Variants in DENND1B observed in about 807,000 individuals in gnomAD.
DENND1B encodes DENN domain-containing protein 1B.
DENND1B carries 59 observed loss-of-function variants against 90.1 expected under a neutral mutation model. The observed-to-expected ratio is 0.65, with a 90% CI of 0.53 to 0.81. The LOEUF is 0.81. Among genes scored for constraint, DENND1B ranks in the 40% least tolerant of loss-of-function variants. The pLI is 0.00. For synonymous variants in DENND1B, 337 were observed against 324.6 expected (o/e 1.04, Z -0.41); for missense variants, 862 against 912.6 (o/e 0.94, Z 0.71).
intron 5 of DENND1B, among the ~76,000 whole-genome samples, chr1:197,660,949 G>A (rs1654347046): frequency 6.6e-6 from 1 of 152,036 alleles, no homozygotes; most frequent in Admixed American, 6.6e-5. Flanking sequence ...TTGTGCAAAG[G>A]CCTCGAGAGC....
At position 197,545,929 on chromosome 1, in the gene DENND1B, T is replaced by C. The variant is rs763915431; in HGVS notation, c.1343A>G (p.Tyr448Cys). 2.2e-5 allele frequency: 35 copies of C among 1,600,312 alleles called. No individual in the cohort carries two copies. Among genetic ancestry groups the C allele is most frequent in the Non-Finnish European group, 2.9e-5 (34 of 1,176,210 alleles). Residue 448 changes from tyrosine (Y) to cysteine (C), a missense_variant, in exon 18 of 23, where the codon TAT becomes TGT. Transcript: ENST00000620048. ...TKATPAVRTA[Y>C]KFAKNHAKLG... The stretch of plus-strand genomic sequence containing the variant: ...AATATCAAAAAAACTTACAAATTTA[T>C]ATGCTGTCCGTACAGCAGGGGTTGC...
At position 197,531,395 on chromosome 1, in the gene DENND1B, T is replaced by C. The variant is rs1343855697; in HGVS notation, c.1515+8569A>G. Among the ~76,000 whole-genome samples, 4 of 1,004 alleles carry C rather than the reference T, an allele frequency of 4.0e-3. 2 individuals are homozygous for C. The Non-Finnish European group carries it at 1, about 251-fold the overall frequency. 0.7% of individuals were successfully genotyped at this position (1,004 alleles called of 152,430 possible). On this transcript the variant is annotated intron_variant, in intron 20 of 22. Coordinates refer to ENST00000620048, the MANE Select transcript of DENND1B (RefSeq NM_001195215.2). Reference sequence around the variant, plus strand: ...TCACCACATAACAAATCTTTTTTTTTTTTTTTTTTCTTTTTTTTTTTTTTT... The same window carrying C: ...TCACCACATAACAAATCTTTTTTTTCTTTTTTTTTCTTTTTTTTTTTTTTT...
At chr1:197,578,369 A>T (rs11804076) in intron 15 of DENND1B, among the ~76,000 whole-genome samples, 6,090 of 151,926 alleles carry the variant, frequency 0.04, 371 homozygotes, top group African/African-American at 0.13. Context: ...TTCAGCCTCC[A>T]GTGTAGCTGG....
rs1268079465 is a variant in DENND1B, at chr1:197,715,014, A to T, written c.126+17T>A. The T allele has an allele frequency of 6.2e-7, 1 of 1,601,924 alleles. No individual in the cohort carries two copies. On this transcript the variant is annotated intron_variant, in intron 3 of 22. Coordinates refer to ENST00000620048, the MANE Select transcript of DENND1B (RefSeq NM_001195215.2). ...TACTTCAACTTTAAATTTTTTAAAA[A>T]ATTATGTGGTACCAACCTGGTCTCC... is the stretch of plus-strand genomic sequence containing the variant.
chr1:197,652,042 G>A (rs1653269481), intron 7 of DENND1B, among the ~76,000 whole-genome samples, 193 bp downstream of exon 7: 1 of 152,030 alleles, frequency 6.6e-6, no homozygotes, highest in South Asian at 2.1e-4. Flanking sequence ...CAACACACCT[G>A]ATATATGAAG....
intron 2 of DENND1B, among the ~76,000 whole-genome samples, chr1:197,731,261 T>C (rs1032866118): frequency 1.3e-5 from 2 of 152,078 alleles, no homozygotes. Flanking sequence ...AAAATAATTA[T>C]TGGCTGAGAA....
rs531768558 is a variant in DENND1B, at chr1:197,746,036, A to G, written c.82+26832T>C. 7.9e-5 allele frequency among the ~76,000 whole-genome samples: 12 copies of G among 152,352 alleles called. No individual in the cohort carries two copies. The South Asian group carries it at 2.3e-3, about 29-fold the overall frequency. On this transcript the variant is annotated intron_variant, in intron 2 of 22. Coordinates refer to ENST00000620048, the MANE Select transcript of DENND1B (RefSeq NM_001195215.2). ...TTTTGGCATTTACGACTAATCCATT[A>G]TAAACAACTGTTAATCTTAAAAACA... is the stretch of plus-strand genomic sequence containing the variant.
intron 7 of DENND1B, among the ~76,000 whole-genome samples, chr1:197,651,386 A>G (rs1653150770): frequency 6.6e-6 from 1 of 152,084 alleles, no homozygotes; most frequent in Non-Finnish European, 1.5e-5. Flanking sequence ...TAGTACAATA[A>G]ATAATCTATC....
intron 3 of DENND1B, among the ~76,000 whole-genome samples, chr1:197,688,571 A>G (rs1657509543): frequency 6.6e-6 from 1 of 152,158 alleles, no homozygotes; most frequent in African/African-American, 2.4e-5. Context: ...CAATGAGGCA[A>G]GGATAGTCTC....
intron 3 of DENND1B, among the ~76,000 whole-genome samples, chr1:197,699,287 T>C (rs1461182110): frequency 2.0e-5 from 3 of 152,144 alleles, no homozygotes; most frequent in African/African-American, 7.2e-5. Context: ...ATCCATCACA[T>C]AAATGGAGCC....
intron 10 of DENND1B, among the ~76,000 whole-genome samples, chr1:197,626,773 G>A (rs1678782222): frequency 6.6e-6 from 1 of 151,984 alleles, no homozygotes; most frequent in African/African-American, 2.4e-5. Flanking sequence ...AAAATTGATA[G>A]ACCGCTAGCA....
intron 5 of DENND1B, among the ~76,000 whole-genome samples, chr1:197,668,916 A>G (rs1655208523): frequency 6.6e-6 from 1 of 152,102 alleles, no homozygotes; most frequent in African/African-American, 2.4e-5. Context: ...ATGCTTATTT[A>G]AAAATTTTTT....
rs191900638 is a variant in DENND1B at position 197,636,921 on chromosome 1, T to C, written c.672+5790A>G. Among the ~76,000 whole-genome samples the C allele has an allele frequency of 1.9e-3, 293 of 152,082 alleles. 1 individual carries two copies. Among genetic ancestry groups the C allele is most frequent in the Non-Finnish European group, 3.6e-3 (244 of 67,988 alleles). Reference sequence around the variant, plus strand: ...GGAGAAGGAGACTATGGGGAAAAGATGGCGAGTTGCATTTTGGCGGTATTG... The same window carrying C: ...GGAGAAGGAGACTATGGGGAAAAGACGGCGAGTTGCATTTTGGCGGTATTG... On this transcript the variant is annotated intron_variant, in intron 10 of 22. Coordinates refer to ENST00000620048, the MANE Select transcript of DENND1B (RefSeq NM_001195215.2).
chr1:197,606,841 AG>A (rs1676726124), intron 13 of DENND1B: 1 of 414,064 alleles, frequency 2.4e-6, no homozygotes, highest in Non-Finnish European at 4.3e-6. Context: ...GAATGCATCT[AG>A]CTTTTTAATT....
intron 10 of DENND1B, among the ~76,000 whole-genome samples, chr1:197,635,921 T>C (rs1339046304): frequency 6.6e-6 from 1 of 150,932 alleles, no homozygotes; most frequent in African/African-American, 2.4e-5. Context: ...TATGGATACA[T>C]ATCAACACTG....
chr1:197,754,942 G>A (rs184609343), intron 2 of DENND1B, among the ~76,000 whole-genome samples: 257 of 152,090 alleles, frequency 1.7e-3, no homozygotes, highest in Non-Finnish European at 2.9e-3. Context: ...AATGGGCCTG[G>A]AGTTTTTTGA....
chr1:197,563,766 A>C (rs1672374955), intron 15 of DENND1B, among the ~76,000 whole-genome samples: 1 of 151,978 alleles, frequency 6.6e-6, no homozygotes, highest in African/African-American at 2.4e-5. Flanking sequence ...GGGGAAAGTA[A>C]ATTGAAAACC....
intron 16 of DENND1B, among the ~76,000 whole-genome samples, chr1:197,550,938 T>C (rs1288685184): frequency 3.3e-5 from 5 of 152,064 alleles, no homozygotes; most frequent in African/African-American, 4.8e-5. Flanking sequence ...ATTACTATTA[T>C]TATGAGATAA....
intron 10 of DENND1B, among the ~76,000 whole-genome samples, chr1:197,624,288 T>G (rs1013620694): frequency 1.3e-5 from 2 of 151,618 alleles, no homozygotes; most frequent in African/African-American, 2.4e-5. Context: ...CAACTAATCT[T>G]TGACAAAGAA....
Sources: gnomAD v4.1 joint callset for allele counts (sites outside exome capture counted in the v4.1 genomes callset) on GRCh38, gnomAD v4.1.1 for gene constraint, MANE v1.5 for transcripts, NCBI Gene and HGNC (gene_info 2026-07-23, HGNC 2026-07-21) for gene names.